Variants in XRN1 observed in about 807,000 individuals in gnomAD.
XRN1 encodes the protein 5'-3' exoribonuclease 1.
A neutral mutation model predicts 222.3 loss-of-function variants in XRN1; 67 were observed. The observed-to-expected ratio is 0.30, with a 90% CI of 0.25 to 0.37. XRN1 has a LOEUF of 0.37. Ranked by LOEUF, XRN1 falls within the 10% of genes least tolerant of loss-of-function variation. The pLI, the probability that XRN1 is intolerant of heterozygous loss-of-function variation, is 1.00. For missense variants in XRN1, 1,707 were observed against 2,000.2 expected, an observed-to-expected ratio of 0.85 and a Z score of 2.80; for synonymous variants, 643 against 652.4, an observed-to-expected ratio of 0.99 and a Z score of 0.22.
intron 39 of XRN1, among the ~76,000 whole-genome samples, chr3:142,313,568 T>C (rs1400185692): frequency 6.6e-6 from 1 of 152,170 alleles, no homozygotes; most frequent in Non-Finnish European, 1.5e-5. Flanking sequence ...ATTCTTTTCA[T>C]AGAGATAAAA....
At chr3:142,416,067 A>G (rs941000054) in intron 13 of XRN1, among the ~76,000 whole-genome samples, 1 of 152,110 alleles carries the variant, frequency 6.6e-6, no homozygotes, top group Non-Finnish European at 1.5e-5. Flanking sequence ...CCTTGCTGAC[A>G]GAACGAGACT....
intron 27 of XRN1, among the ~76,000 whole-genome samples, chr3:142,369,221 C>T (rs1291159752): frequency 6.6e-6 from 1 of 152,150 alleles, no homozygotes; most frequent in Non-Finnish European, 1.5e-5. Flanking sequence ...ATAATCAATT[C>T]ATTTTCTATA....
At position 142,394,542 on chromosome 3, in the gene XRN1, A is replaced by G. The variant is rs77169784; in HGVS notation, c.2339+2787T>C. Among the ~76,000 whole-genome samples, 850 of 152,300 alleles carry G rather than the reference A, an allele frequency of 5.6e-3. 7 individuals carry two copies. Among genetic ancestry groups the G allele is most frequent in the African/African-American group, 0.019 (810 of 41,554 alleles). ...TTCCTCCAGCCATCCTCAATAGCTAAACTCAGCATCTGCTTTACAAGGAAA... is the reference window on the plus strand; with the variant it reads ...TTCCTCCAGCCATCCTCAATAGCTAGACTCAGCATCTGCTTTACAAGGAAA... On this transcript the variant is annotated intron_variant, in intron 20 of 40. Transcript: ENST00000392981.
rs191599920 is a variant in XRN1, at chr3:142,324,503, C to T, written c.4404+4931G>A. On this transcript the variant is annotated intron_variant, in intron 37 of 40. Transcript: ENST00000392981. ...CTTAATCCAGTCTATCGTTGTTGGA[C>T]AATTGGGTTGGTTCCAAGTCTTTGC... is the stretch of plus-strand genomic sequence containing the variant. 2.6e-5 allele frequency among the ~76,000 whole-genome samples: 4 copies of T among 152,102 alleles called. No homozygotes were observed. In the East Asian group the frequency reaches 7.7e-4, roughly 29 times the overall value.
intron 22 of XRN1, among the ~76,000 whole-genome samples, chr3:142,381,590 T>C (rs1413987891): frequency 4.9e-5 from 7 of 141,528 alleles, no homozygotes; most frequent in Non-Finnish European, 9.1e-5. Flanking sequence ...TTTTTTAAGA[T>C]AGAGTCTCAC....
At chr3:142,431,074 C>T (rs535923581) in intron 2 of XRN1, among the ~76,000 whole-genome samples, 2 of 152,304 alleles carry the variant, frequency 1.3e-5, no homozygotes, top group South Asian at 2.1e-4. Flanking sequence ...ATTCAATACA[C>T]GTTTGTTGAA....
At chr3:142,411,016 T>C (rs1225851819) in intron 15 of XRN1, among the ~76,000 whole-genome samples, 1 of 152,206 alleles carries the variant, frequency 6.6e-6, no homozygotes, top group African/African-American at 2.4e-5. Context: ...CATCTGGGCC[T>C]AGAATACACA....
In XRN1 at chr3:142,425,233, C is replaced by G; in HGVS notation, c.616G>C (p.Asp206His). 6.3e-7 allele frequency: 1 copy of G among 1,577,184 alleles called. No individual in the cohort carries two copies. Among genetic ancestry groups the G allele is most frequent in the Non-Finnish European group, 8.6e-7 (1 of 1,164,102 alleles). ...AAAATTATACCTACCAAGTCAGCATCTAAACCATAAAGACAGTGTCTGGTG... is the reference window on the plus strand; with the variant it reads ...AAAATTATACCTACCAAGTCAGCATGTAAACCATAAAGACAGTGTCTGGTG... ...PNTRHCLYGL[D>H]ADLIMLGLTS... Residue 206 changes from aspartate to histidine, a missense_variant, in exon 5 of 41, where the codon GAT becomes CAT. Asp to His is a moderately conservative substitution (Grantham distance 81). Transcript: ENST00000392981.
intron 34 of XRN1, 134 bp downstream of exon 34, chr3:142,335,314 T>G: frequency 1.3e-6 from 1 of 773,994 alleles, no homozygotes; most frequent in East Asian, 2.6e-5. Context: ...GACTGTCAGC[T>G]TAACTTCAGT....
intron 39 of XRN1, among the ~76,000 whole-genome samples, chr3:142,314,122 A>T (rs576928020): frequency 5.9e-5 from 9 of 152,150 alleles, no homozygotes; most frequent in African/African-American, 2.2e-4. Flanking sequence ...TACATCACAA[A>T]TTTTTTTATA....
At chr3:142,361,144 G>C (rs1218723020) in intron 29 of XRN1, among the ~76,000 whole-genome samples, 1 of 152,142 alleles carries the variant, frequency 6.6e-6, no homozygotes, top group Non-Finnish European at 1.5e-5. Context: ...AATATAATGT[G>C]TATTCCTCGT....
intron 39 of XRN1, among the ~76,000 whole-genome samples, chr3:142,316,943 G>A (rs1488543255): frequency 2.6e-5 from 4 of 152,114 alleles, no homozygotes; most frequent in Non-Finnish European, 2.9e-5. Flanking sequence ...TTGCGTATCT[G>A]AAAATATCTT....
rs1356619415 is a variant in XRN1, at chr3:142,447,206, A to C, written c.75+664T>G. 1.3e-5 allele frequency among the ~76,000 whole-genome samples: 2 copies of C among 151,832 alleles called. No homozygotes were observed. Among genetic ancestry groups the C allele is most frequent in the African/African-American group, 2.4e-5 (1 of 41,286 alleles). Reference sequence around the variant, plus strand: ...TAATGTTCTATCAATTCGTTTCCCAACCCCCTCTGTCACACAGTGAGGCCT... The same window carrying C: ...TAATGTTCTATCAATTCGTTTCCCACCCCCCTCTGTCACACAGTGAGGCCT... On this transcript the variant is annotated intron_variant, in intron 1 of 40. Coordinates refer to ENST00000392981, the MANE Select transcript of XRN1 (RefSeq NM_001282857.2). The surrounding 1 kb of genome is among the most constrained non-coding windows in gnomAD (Gnocchi z 4.2).
chr3:142,383,494 T>A lies in XRN1; in HGVS notation c.2503-81A>T, dbSNP rs1029356003. ...AGTTTTTTTCCTATGGGATTATGAC[T>A]ATGCTGTTTGCAAATGTCAATGTGA... On this transcript the variant is annotated intron_variant, in intron 21 of 40. Transcript: ENST00000392981. 3.4e-6 allele frequency: 4 copies of A among 1,168,168 alleles called. No individual in the cohort carries two copies. In the African/African-American group the frequency reaches 6.3e-5, roughly 18 times the overall value. The allele number at this position is 1,168,168 out of a possible 1,614,324, so 72.4% of individuals were successfully genotyped here.
chr3:142,323,716 G>A (rs2065429103), intron 37 of XRN1, among the ~76,000 whole-genome samples: 1 of 152,090 alleles, frequency 6.6e-6, no homozygotes, highest in South Asian at 2.1e-4. Flanking sequence ...GGTGGCATGT[G>A]CCTGTAATCC....
chr3:142,364,060 C>G (rs968881669), intron 29 of XRN1, among the ~76,000 whole-genome samples: 1 of 152,232 alleles, frequency 6.6e-6, no homozygotes, highest in South Asian at 2.1e-4. Flanking sequence ...AATCCCAGCT[C>G]TGCCACTTAT....
chr3:142,397,055 ATCAG>A (rs1424962841), intron 20 of XRN1, among the ~76,000 whole-genome samples: 1 of 152,182 alleles, frequency 6.6e-6, no homozygotes, highest in Non-Finnish European at 1.5e-5. Flanking sequence ...AGCTCTCAAA[ATCAG>A]TCAATGTATT....
At chr3:142,354,503 A>G (rs989653300) in intron 32 of XRN1, among the ~76,000 whole-genome samples, 10 of 152,224 alleles carry the variant, frequency 6.6e-5, no homozygotes, top group African/African-American at 2.2e-4. Context: ...GCTATTCACA[A>G]TAGCAAAGAC....
chr3:142,418,934 G>T, intron 10 of XRN1, 53 bp from the exon 11 acceptor site: 2 of 1,516,716 alleles, frequency 1.3e-6, no homozygotes, highest in South Asian at 1.1e-5. Context: ...TTCAAAATGA[G>T]ATGTCATTTC....
Sources: gnomAD v4.1 joint callset for allele counts (sites outside exome capture counted in the v4.1 genomes callset) on GRCh38, gnomAD v4.1.1 for gene constraint, Gnocchi (gnomAD v3.1) non-coding constraint, MANE v1.5 for transcripts, NCBI Gene and HGNC (gene_info 2026-07-23, HGNC 2026-07-21) for gene names.